ASB4: variants seen among roughly 807,000 people sequenced by gnomAD.
ASB4 encodes the protein ankyrin repeat and SOCS box containing 4, also known as ankyrin repeat and SOCS box protein 4.
ASB4 carries 35 observed loss-of-function variants against 38.6 expected under a neutral mutation model. The ratio of observed to expected loss-of-function variants is 0.91; its 90% confidence interval spans 0.69 to 1.20. ASB4 has a LOEUF of 1.20. Ranked by LOEUF, ASB4 falls within the 50% of genes most tolerant of loss-of-function variation. The pLI is 0.00. For missense variants in ASB4, 557 were observed against 527.2 expected (o/e 1.06, Z -0.55); for synonymous variants, 195 against 201.3 (o/e 0.97, Z 0.26).
chr7:95,550,855 C>G, the ASB4 span, among the ~76,000 whole-genome samples: 1 of 152,168 alleles, frequency 6.6e-6, no homozygotes, highest in Non-Finnish European at 1.5e-5. Flanking sequence ...TCTTCTCTTC[C>G]ATGTACAGGA....
At chr7:95,530,402 T>A (rs1426317804) in intron 3 of ASB4, among the ~76,000 whole-genome samples, 1 of 151,954 alleles carries the variant, frequency 6.6e-6, no homozygotes, top group Non-Finnish European at 1.5e-5. Context: ...GAGGCAGAGG[T>A]TGCAGTGAGC....
At position 95,517,345 on chromosome 7, in the gene ASB4, G is replaced by T. The variant is rs575257654; in HGVS notation, c.488-10468G>T. ...CACCATGCCAGGTCTAGTTTTAATA[G>T]TTCTTTATGTATTCTAGACACGAGT... On this transcript the variant is annotated intron_variant, in intron 2 of 4. Coordinates refer to ENST00000325885, the MANE Select transcript of ASB4 (RefSeq NM_016116.3). 2.6e-5 allele frequency among the ~76,000 whole-genome samples: 4 copies of T among 152,092 alleles called. No homozygotes were observed. In the East Asian group the frequency reaches 5.8e-4, roughly 22 times the overall value.
At chr7:95,476,025 C>T (rs934069916), upstream of ASB4, among the ~76,000 whole-genome samples, 2 of 152,196 alleles carry the variant, frequency 1.3e-5, no homozygotes, top group African/African-American at 4.8e-5. Context: ...TTCTTGATTC[C>T]TCAAACCGAA....
chr7:95,550,351 G>A, the ASB4 span, among the ~76,000 whole-genome samples: 1 of 152,098 alleles, frequency 6.6e-6, no homozygotes, highest in Non-Finnish European at 1.5e-5. Context: ...ACACTCAGCA[G>A]GGAACACGCC....
upstream of ASB4, among the ~76,000 whole-genome samples, chr7:95,484,966 G>GTATATA (rs1562807647): frequency 1.1e-4 from 17 of 147,832 alleles, no homozygotes; most frequent in African/African-American, 3.7e-4. Context: ...ATATATATAT[G>GTATATA]TGTGTATATA....
downstream of ASB4, among the ~76,000 whole-genome samples, chr7:95,544,943 C>T (rs2116669979): frequency 6.6e-6 from 1 of 152,206 alleles, no homozygotes; most frequent in South Asian, 2.1e-4. Flanking sequence ...CTGTCTCGGC[C>T]TTCCAAAGTG....
At chr7:95,540,354 A>C (rs923819653), downstream of ASB4, 2 of 152,244 alleles carry the variant, frequency 1.3e-5, no homozygotes, top group African/African-American at 4.8e-5. Flanking sequence ...GAAAAAGAGA[A>C]TCAGGGATTG....
At chr7:95,471,324 C>G in the ASB4 span, among the ~76,000 whole-genome samples, 1 of 152,154 alleles carries the variant, frequency 6.6e-6, no homozygotes, top group Admixed American at 6.5e-5. Flanking sequence ...CTTTCCTGCA[C>G]GCTTCCTCAT....
At chr7:95,488,346 G>A (rs201590732) in intron 1 of ASB4, among the ~76,000 whole-genome samples, 20 of 149,648 alleles carry the variant, frequency 1.3e-4, no homozygotes, top group Non-Finnish European at 1.8e-4. Context: ...GTCTCAAAAA[G>A]AAAAAAAAAA....
intron 1 of ASB4, among the ~76,000 whole-genome samples, chr7:95,478,764 C>T (rs1789999330): frequency 6.6e-6 from 1 of 152,140 alleles, no homozygotes; most frequent in Non-Finnish European, 1.5e-5. Context: ...GATGTGCTTG[C>T]GTAGGACTTT....
intron 1 of ASB4, 98 bp from the exon 2 acceptor site, chr7:95,495,660 T>C (rs779435277): frequency 6.4e-6 from 8 of 1,254,006 alleles, no homozygotes; most frequent in Non-Finnish European, 8.7e-6. Context: ...TTTATAAATG[T>C]GGCCAAAATA....
chr7:95,513,876 T>C (rs1426047717), intron 2 of ASB4, among the ~76,000 whole-genome samples: 1 of 152,208 alleles, frequency 6.6e-6, no homozygotes, highest in African/African-American at 2.4e-5. Context: ...TTTTGAGGAA[T>C]TGGTCATCTG....
intron 2 of ASB4, among the ~76,000 whole-genome samples, chr7:95,515,195 T>G (rs890573599): frequency 1.6e-5 from 2 of 127,420 alleles, no homozygotes; most frequent in Non-Finnish European, 3.2e-5. Context: ...CTTTCTTTCT[T>G]TCTTTCTTTC....
At chr7:95,542,986 G>T (rs1407543265), downstream of ASB4, 1 of 152,162 alleles carries the variant, frequency 6.6e-6, no homozygotes, top group Non-Finnish European at 1.5e-5. Flanking sequence ...GGTGTGTAAG[G>T]CAGCCTCAGA....
chr7:95,498,984 C>G (rs898050227), intron 2 of ASB4, among the ~76,000 whole-genome samples: 1 of 152,130 alleles, frequency 6.6e-6, no homozygotes, highest in South Asian at 2.1e-4. Flanking sequence ...TGGACTCCAG[C>G]CTATTCCATT....
Position 95,496,026 on chromosome 7 carries a change from C to A in ASB4, c.456C>A (p.Ser152=). 1 of 1,613,656 alleles carries A rather than the reference C, an allele frequency of 6.2e-7. No individual in the cohort carries two copies. The highest frequency in any genetic ancestry group is 8.5e-7 in the Non-Finnish European group (1 of 1,179,680). The change falls in exon 2 of 5, where the codon TCC becomes TCA. Residue 152 remains serine, a synonymous_variant. Coordinates refer to ENST00000325885, the MANE Select transcript of ASB4 (RefSeq NM_016116.3). ...TALHFCTTPS[S]ILCAKQLVWR... ...TGCACTTTTGTACAACTCCAAGTTC[C>A]ATTCTCTGTGCCAAGCAATTGGTTT...
At chr7:95,506,780 A>G (rs1207138583) in intron 2 of ASB4, among the ~76,000 whole-genome samples, 1 of 150,970 alleles carries the variant, frequency 6.6e-6, no homozygotes, top group Non-Finnish European at 1.5e-5. Context: ...GAGTCCATTC[A>G]ATTCCAAACT....
chr7:95,476,708 G>A (rs1386256546), upstream of ASB4, among the ~76,000 whole-genome samples: 1 of 152,174 alleles, frequency 6.6e-6, no homozygotes, highest in Non-Finnish European at 1.5e-5. Flanking sequence ...TTTCAGCCTA[G>A]GAGAAAAATT....
chr7:95,528,565 C>A, intron 3 of ASB4: 1 of 1,409,118 alleles, frequency 7.1e-7, no homozygotes, highest in Non-Finnish European at 9.2e-7. Context: ...CACCAGTGCA[C>A]TGGTGGCTTC....
Sources: gnomAD v4.1 joint callset for allele counts (sites outside exome capture counted in the v4.1 genomes callset) on GRCh38, gnomAD v4.1.1 for gene constraint, MANE v1.5 for transcripts, NCBI Gene and HGNC (gene_info 2026-07-23, HGNC 2026-07-21) for gene names.